The following PCM1 variants were observed in gnomAD, a reference collection of about 807,000 sequenced individuals.
PCM1 encodes the protein pericentriolar material 1 protein.
A neutral mutation model predicts 241.9 loss-of-function variants in PCM1; 157 were observed. The ratio of observed to expected loss-of-function variants is 0.65; its 90% confidence interval spans 0.57 to 0.74. PCM1 has a LOEUF of 0.74. Ranked by LOEUF, PCM1 falls within the 30% of genes least tolerant of loss-of-function variation. The pLI, the probability that PCM1 is intolerant of heterozygous loss-of-function variation, is 0.00. For missense variants in PCM1, 3,478 were observed against 2,360.1 expected, an observed-to-expected ratio of 1.47 and a Z score of -9.81; for synonymous variants, 1,085 against 784.9, an observed-to-expected ratio of 1.38 and a Z score of -6.39.
intron 10 of PCM1, 43 bp from the exon 11 acceptor site, chr8:17,956,561 T>C: frequency 8.0e-7 from 1 of 1,250,352 alleles, no homozygotes; most frequent in Non-Finnish European, 1.1e-6. Context: ...ATTATTTTGC[T>C]AAAATGGGTG....
rs1355936984 is a variant in PCM1, at chr8:17,986,104, T to G, written c.4410+17T>G. Reference sequence around the variant, plus strand: ...ACTGATGATGTAAGCTGATAATGATTAGTGAATTGTAGATATAATTTTAGT... The same window carrying G: ...ACTGATGATGTAAGCTGATAATGATGAGTGAATTGTAGATATAATTTTAGT... On this transcript the variant is annotated intron_variant, in intron 26 of 38. Transcript: ENST00000325083. 2.0e-6 allele frequency: 3 copies of G among 1,488,936 alleles called. No individual in the cohort carries two copies. The South Asian group carries it at 4.3e-5, about 21-fold the overall frequency. The allele number at this position is 1,488,936 out of a possible 1,614,324, so 92.2% of individuals were successfully genotyped here.
Position 17,972,304 on chromosome 8 carries a change from AT to A in PCM1, c.3585-24del, listed in dbSNP as rs201023071. On this transcript the variant is annotated intron_variant, in intron 22 of 38. Transcript: ENST00000325083. Reference sequence around the variant, plus strand: ...TTTTGTAAACTATAGTTGTTAACTTATAAAAACTTGTTTTCATTGGTAAGGA... The same window carrying A: ...TTTTGTAAACTATAGTTGTTAACTTAAAAAACTTGTTTTCATTGGTAAGGA... 185 of 1,364,390 alleles carry A rather than the reference AT, an allele frequency of 1.4e-4. 1 individual carries two copies. The African/African-American group carries it at 2.3e-3, about 17-fold the overall frequency. 84.5% of individuals were successfully genotyped at this position (1,364,390 alleles called of 1,614,324 possible).
In PCM1 at chr8:18,006,286, C is replaced by T; in HGVS notation, c.4851C>T (p.Ser1617=). 1.2e-6 allele frequency: 2 copies of T among 1,610,924 alleles called. No homozygotes were observed. The highest frequency in any genetic ancestry group is 1.7e-6 in the Non-Finnish European group (2 of 1,177,778). ...AGGAGCACATGGATGAAGTATGCTC[C>T]TCGCAGCTTCTAACTTCAGTAAGGC... The part of the protein sequence containing the change: ...FLKEHMDEVC[S]SQLLTSVRRM... The change falls in exon 30 of 39, where the codon TCC becomes TCT. Residue 1617 remains serine, a synonymous_variant. Transcript: ENST00000325083.
intron 7 of PCM1, among the ~76,000 whole-genome samples, chr8:17,947,689 C>G (rs1235059608): frequency 6.6e-6 from 1 of 151,986 alleles, no homozygotes; most frequent in Non-Finnish European, 1.5e-5. Flanking sequence ...TCCTTTTTTT[C>G]TATTTTATTC....
At chr8:17,933,430 A>T (rs2059586745) in intron 2 of PCM1, among the ~76,000 whole-genome samples, 1 of 152,158 alleles carries the variant, frequency 6.6e-6, no homozygotes, top group South Asian at 2.1e-4. Flanking sequence ...TTCCAGATAA[A>T]TTTTAGAATT....
At chr8:17,935,764 T>C (rs913892462) in intron 3 of PCM1, 58 bp downstream of exon 3, 9 of 822,574 alleles carry the variant, frequency 1.1e-5, no homozygotes, top group Middle Eastern at 4.4e-4. Context: ...AATGCAGTTT[T>C]CCCCCTGACC....
rs779007451 is a variant in PCM1, at chr8:17,969,641, C to T, written c.3477C>T (p.Pro1159=). The change falls in exon 22 of 39, where the codon CCC becomes CCT. Residue 1159 remains proline, a synonymous_variant. Transcript: ENST00000325083. ...ATTTTTCTCAGAATATCTCTACACC[C>T]AGTGAACAGCAGCAACCCTTAGCCC... is the stretch of plus-strand genomic sequence containing the variant. ...FGDFSQNIST[P]SEQQQPLAQN... is the part of the protein sequence containing the mutation. 5.0e-6 allele frequency: 8 copies of T among 1,612,282 alleles called. No individual in the cohort carries two copies. The highest frequency in any genetic ancestry group is 1.1e-5 in the South Asian group (1 of 90,966).
rs1361107996 is a variant in PCM1, at chr8:18,028,895, T to G, written c.*1233T>G. ...GCCCAGGCACCATGGCTCACTCCTG[T>G]AATCCCAGCACCTTGGGAGGCCGAG... On this transcript the variant is annotated 3_prime_UTR_variant, in exon 39 of 39. Transcript: ENST00000325083. 5.5e-6 allele frequency: 1 copy of G among 182,716 alleles called. No homozygotes were observed. The highest frequency in any genetic ancestry group is 1.2e-5 in the Non-Finnish European group (1 of 85,796). The allele number at this position is 182,716 out of a possible 1,614,324, so 11.3% of individuals were successfully genotyped here.
chr8:18,013,727 G>C, intron 34 of PCM1: 1 of 416,208 alleles, frequency 2.4e-6, no homozygotes, highest in Admixed American at 4.6e-5. Flanking sequence ...AGTGCAGTCT[G>C]TTCGTTCCAG....
intron 36 of PCM1, among the ~76,000 whole-genome samples, chr8:18,024,567 A>G (rs7012781): frequency 0.065 from 9,883 of 152,188 alleles, 1,111 homozygotes; most frequent in African/African-American, 0.23. Context: ...TCTAGTTGCC[A>G]TAGAAGACAT....
At chr8:17,953,447 G>A (rs1166976035) in intron 9 of PCM1, among the ~76,000 whole-genome samples, 5 of 152,066 alleles carry the variant, frequency 3.3e-5, no homozygotes, top group Non-Finnish European at 5.9e-5. Flanking sequence ...ATAAGGGAAA[G>A]GTAGAAGAGA....
At chr8:18,013,892 A>AACC in intron 34 of PCM1, 72 bp from the exon 35 acceptor site, 1 of 846,898 alleles carries the variant, frequency 1.2e-6, no homozygotes, top group Non-Finnish European at 1.8e-6. Flanking sequence ...CAAAAACTAC[A>AACC]CACTAGTAAT....
intron 6 of PCM1, among the ~76,000 whole-genome samples, chr8:17,941,551 G>A (rs2062064752): frequency 7.0e-6 from 1 of 142,932 alleles, no homozygotes; most frequent in Non-Finnish European, 1.6e-5. Context: ...TAAAAAAAAG[G>A]TGGACTGGTA....
rs780765764 is a variant in PCM1, at chr8:17,967,009, G to A, written c.3251G>A (p.Arg1084His). 3.7e-5 allele frequency: 60 copies of A among 1,607,812 alleles called. 1 individual carries two copies. The highest frequency in any genetic ancestry group is 6.8e-5 in the Admixed American group (4 of 59,136). Residue 1084 changes from arginine to histidine, a missense_variant, in exon 21 of 39, where the codon CGC becomes CAC. Arg to His is a conservative substitution (Grantham distance 29, BLOSUM62 0). Transcript: ENST00000325083. ...AAACAAATGCTAAATGAACTTATGC[G>A]CCAGCAAAATCAGCATCCAGAAAAA... ...RLKQMLNELM[R>H]QQNQHPEKPG...
intron 31 of PCM1, among the ~76,000 whole-genome samples, chr8:18,010,357 T>C (rs2092300527): frequency 6.6e-6 from 1 of 152,210 alleles, no homozygotes; most frequent in South Asian, 2.1e-4. Context: ...TCTTAGAATC[T>C]AAAGTAGACG....
intron 4 of PCM1, among the ~76,000 whole-genome samples, 167 bp downstream of exon 4, chr8:17,937,546 T>C (rs1049390915): frequency 5.3e-5 from 8 of 152,324 alleles, no homozygotes; most frequent in African/African-American, 1.9e-4. Flanking sequence ...CTGTCTTCTT[T>C]AGAAGGAAAT....
Position 17,966,154 on chromosome 8 carries a change from A to G in PCM1, c.3011A>G (p.Asn1004Ser), listed in dbSNP as rs779872238. The change falls in exon 19 of 39, where the codon AAT becomes AGT. Residue 1004 changes from asparagine (N) to serine (S), a missense_variant. By Grantham distance (46) the Asn-to-Ser change is conservative (BLOSUM62 1). Transcript: ENST00000325083. ...EEKEQWQEQI[N>S]QLKKQLDFSV... ...AAAGAACAATGGCAAGAACAAATCA[A>G]TCAGCTAAAGAAACAGCTTGATTTT... 3.7e-6 allele frequency: 6 copies of G among 1,613,990 alleles called. No homozygotes were observed. The African/African-American group carries it at 4.0e-5, about 11-fold the overall frequency.
intron 21 of PCM1, among the ~76,000 whole-genome samples, chr8:17,968,835 A>G (rs1413830917): frequency 1.3e-5 from 2 of 151,452 alleles, no homozygotes; most frequent in East Asian, 3.9e-4. Context: ...AAAAAATTTA[A>G]GAGACTTTTT....
In PCM1 at chr8:18,008,884, C is replaced by T. The variant is rs145574487; in HGVS notation, c.4963-663C>T. On this transcript the variant is annotated intron_variant, in intron 30 of 38. Coordinates refer to ENST00000325083, the MANE Select transcript of PCM1 (RefSeq NM_006197.4). ...TTGTCTAAGAAGAAGAAATCACCAA[C>T]GTTCAAGTTGCCAGGGCTTAACTTC... Among the ~76,000 whole-genome samples the T allele has an allele frequency of 1.0e-3, 156 of 152,272 alleles. 4 individuals are homozygous for T. In the East Asian group the frequency reaches 0.025, roughly 24 times the overall value.
Sources: allele counts gnomAD v4.1 joint callset (sites outside exome capture counted in the v4.1 genomes callset), GRCh38; gene constraint gnomAD v4.1.1; transcripts MANE v1.5; gene names NCBI Gene and HGNC (gene_info 2026-07-23, HGNC 2026-07-21).